OBSL1: variants seen among roughly 807,000 people sequenced by gnomAD.
OBSL1 encodes the protein obscurin like cytoskeletal adaptor 1, also known as obscurin-like protein 1.
OBSL1 carries 160 observed loss-of-function variants against 172.0 expected under a neutral mutation model. That is an observed-to-expected ratio of 0.93 (90% CI 0.82 to 1.06). The LOEUF (loss-of-function observed/expected upper bound fraction) is 1.06, where lower values mean the gene tolerates loss of function less well. Among genes scored for constraint, OBSL1 ranks in the 50% least tolerant of loss-of-function variants. OBSL1 has a pLI of 0.00. For synonymous variants in OBSL1, 1,200 were observed against 1,196.3 expected, an observed-to-expected ratio of 1.00 and a Z score of -0.06; for missense variants, 2,681 against 2,715.4, an observed-to-expected ratio of 0.99 and a Z score of 0.28.
chr2:219,563,099 A>C, intron 7 of OBSL1: 2 of 515,684 alleles, frequency 3.9e-6, no homozygotes, highest in Non-Finnish European at 3.4e-6. Flanking sequence ...CACTGTCCCC[A>C]GAGATTTCCC....
Position 219,552,518 on chromosome 2 carries a change from G to A in OBSL1, c.5308+18C>T. On this transcript the variant is annotated intron_variant, in intron 18 of 20. Transcript: ENST00000404537. The stretch of plus-strand genomic sequence containing the variant: ...GCGGGGCAGCGAGGGGCCCGAAAGG[G>A]TAACCAGGCGGGCAGACCTTCCTGT... 6.3e-7 allele frequency: 1 copy of A among 1,591,014 alleles called. No homozygotes were observed. The highest frequency in any genetic ancestry group is 8.5e-7 in the Non-Finnish European group (1 of 1,175,184).
chr2:219,566,765 G>A (rs917585546), intron 5 of OBSL1, 65 bp downstream of exon 5: 82 of 1,474,440 alleles, frequency 5.6e-5, no homozygotes, highest in Non-Finnish European at 6.5e-5. Flanking sequence ...CATCTGCCTC[G>A]TTTTGCCAAC....
At position 219,567,067 on chromosome 2, in the gene OBSL1, C is replaced by A; in HGVS notation, c.1897G>T (p.Ala633Ser). ...EDVQVYDGED[A>S]VFSLDLSTII... ...GTGGAGAGATCGAGGGAGAAGACGG[C>A]ATCTTCCCCGTCGTATACCTGCACA... Residue 633 changes from alanine (A) to serine (S), a missense_variant, in exon 5 of 21, where the codon GCC becomes TCC. Transcript: ENST00000404537. The A allele has an allele frequency of 6.2e-7, 1 of 1,613,262 alleles. No homozygotes were observed. The highest frequency in any genetic ancestry group is 8.5e-7 in the Non-Finnish European group (1 of 1,179,770).
chr2:219,565,549 C>G (rs1380409749), intron 5 of OBSL1, 35 bp from the exon 6 acceptor site: 1 of 1,589,808 alleles, frequency 6.3e-7, no homozygotes, highest in Middle Eastern at 1.7e-4. Context: ...GCACCCCTCC[C>G]TCCGGTGCAT....
In OBSL1 at chr2:219,566,969, A is replaced by T; in HGVS notation, c.1995T>A (p.Pro665=). ...GCTCTATACGGTACCGCAGGGCCCC[A>T]GGTTCCACCTGGCCCTCCGGCTCGT... ...KSNEPEGQVE[P]GALRYRIEQK... Residue 665 remains proline (P), a synonymous_variant, in exon 5 of 21, where the codon CCT becomes CCA. Transcript: ENST00000404537. 6.2e-7 allele frequency: 1 copy of T among 1,613,792 alleles called. No homozygotes were observed. Among genetic ancestry groups the T allele is most frequent in the South Asian group, 1.1e-5 (1 of 91,078 alleles).
intron 19 of OBSL1, 29 bp downstream of exon 19, chr2:219,552,079 ACACT>A (rs1311115686): frequency 1.5e-5 from 23 of 1,525,276 alleles, no homozygotes; most frequent in Non-Finnish European, 1.9e-5. Context: ...GACAGGATGT[ACACT>A]CTCTGTCGCT....
intron 11 of OBSL1, 52 bp downstream of exon 11, chr2:219,557,771 C>G (rs1696136770): frequency 6.4e-7 from 1 of 1,559,464 alleles, no homozygotes; most frequent in African/African-American, 1.4e-5. Context: ...GTTTGGGGTG[C>G]CACTCTCAGG....
Position 219,559,354 on chromosome 2 carries a change from C to T in OBSL1, c.3097G>A (p.Glu1033Lys), listed in dbSNP as rs769031522. The T allele has an allele frequency of 7.4e-6, 12 of 1,614,042 alleles. No homozygotes were observed. In the East Asian group the frequency reaches 1.1e-4, roughly 15 times the overall value. ...YKDGLEVEES[E>K]ALVLERDGPR... ...CCATCCCTCTCCAGCACCAGGGCCT[C>T]GCTCTCCTCCACTTCCAGCCCATCC... The change falls in exon 9 of 21, where the codon GAG becomes AAG. Residue 1033 changes from glutamate (E) to lysine (K), a missense_variant. By Grantham distance (56) the Glu-to-Lys change is moderately conservative. Transcript: ENST00000404537.
In OBSL1 at chr2:219,558,218, C is replaced by A. The variant is rs1211683005; in HGVS notation, c.3468G>T (p.Arg1156=). 1.2e-6 allele frequency: 2 copies of A among 1,608,194 alleles called. No homozygotes were observed. The highest frequency in any genetic ancestry group is 1.1e-5 in the South Asian group (1 of 90,694). The change falls in exon 10 of 21, where the codon CGG becomes CGT. Residue 1156 remains arginine, a synonymous_variant. Coordinates refer to ENST00000404537, the MANE Select transcript of OBSL1 (RefSeq NM_015311.3). ...EDAGEYVCET[R]HEAITFNVIL... Reference sequence around the variant, plus strand: ...TGACATTGAAGGTGATGGCCTCATGCCGGGTCTCACACACATACTCCCCGG... The same window carrying A: ...TGACATTGAAGGTGATGGCCTCATGACGGGTCTCACACACATACTCCCCGG...
intron 11 of OBSL1, 49 bp downstream of exon 11, chr2:219,557,774 C>T (rs376551128): frequency 1.3e-4 from 204 of 1,561,508 alleles, no homozygotes; most frequent in Non-Finnish European, 1.6e-4. Flanking sequence ...TGGGGTGCCA[C>T]TCTCAGGCTT....
At chr2:219,550,957 AC>A in intron 20 of OBSL1, 115 bp from the exon 21 acceptor site, 1 of 1,542,628 alleles carries the variant, frequency 6.5e-7, no homozygotes. Context: ...GTTCTGCCCT[AC>A]CCTTTCTGGG....
At position 219,553,647 on chromosome 2, in the gene OBSL1, T is replaced by C. The variant is rs367657651; in HGVS notation, c.4916A>G (p.Glu1639Gly). 16 of 1,613,654 alleles carry C rather than the reference T, an allele frequency of 9.9e-6. No individual in the cohort carries two copies. The highest frequency in any genetic ancestry group is 1.3e-5 in the Non-Finnish European group (15 of 1,179,880). ...CGTAGCTGTGTCGCCCTCGGTCACC[T>C]CTAGGTCGTGTGGCCCCCGCACGAT... ...VTIVRGPHDL[E>G]VTEGDTATFE... is the part of the protein sequence containing the mutation. Residue 1639 changes from glutamate to glycine, a missense_variant, in exon 16 of 21, where the codon GAG becomes GGG. Glu to Gly is a moderately conservative substitution (Grantham distance 98). This residue lies in a region of OBSL1 where 1,765 missense variants were observed against 1,748.3 expected (regional missense o/e 1.01). Transcript: ENST00000404537.
In OBSL1 at chr2:219,568,591, A is replaced by AG. The variant is rs1427772725; in HGVS notation, c.1013-268dup. ...GTCTCCTTACTTGTAAAATGGGGAA[A>AG]GGGAGAGAAGGGGTTGGACCAGATT... is the stretch of plus-strand genomic sequence containing the variant. On this transcript the variant is annotated intron_variant, in intron 1 of 20. Transcript: ENST00000404537. This position sits in a 1 kb window ranked among gnomAD's most constrained non-coding sequence, Gnocchi z 4.1. Among the ~76,000 whole-genome samples, 4 of 152,132 alleles carry AG rather than the reference A, an allele frequency of 2.6e-5. No individual in the cohort carries two copies. Among genetic ancestry groups the AG allele is most frequent in the African/African-American group, 9.7e-5 (4 of 41,432 alleles).
At chr2:219,569,463 C>T (rs751529755) in intron 1 of OBSL1, 2 of 151,932 alleles carry the variant, frequency 1.3e-5, no homozygotes, top group Non-Finnish European at 2.9e-5. Context: ...TTGGGGTGTG[C>T]TTTTTTTTCC....
Position 219,556,058 on chromosome 2 carries a change from C to CT in OBSL1, c.4570dup (p.Ser1524LysfsTer30). On this transcript the variant is annotated frameshift_variant, in exon 14 of 21. Coordinates refer to ENST00000404537, the MANE Select transcript of OBSL1 (RefSeq NM_015311.3). LOFTEE classifies it high-confidence loss of function. Reference sequence around the variant, plus strand: ...CCTGGCCAGGGTGCGATCGTGGTGGCTCTCGCAGCCGTAGGTGCCCTGGTC... The same window carrying CT: ...CCTGGCCAGGGTGCGATCGTGGTGGCTTCTCGCAGCCGTAGGTGCCCTGGTC... The CT allele has an allele frequency of 6.2e-7, 1 of 1,613,690 alleles. No individual in the cohort carries two copies. The highest frequency in any genetic ancestry group is 8.5e-7 in the Non-Finnish European group (1 of 1,179,892).
Position 219,553,640 on chromosome 2 carries a change from G to T in OBSL1, c.4923C>A (p.Thr1641=), listed in dbSNP as rs768061606. The part of the protein sequence containing the change: ...IVRGPHDLEV[T]EGDTATFECE... ...ACTCGAACGTAGCTGTGTCGCCCTC[G>T]GTCACCTCTAGGTCGTGTGGCCCCC... The change falls in exon 16 of 21, where the codon ACC becomes ACA. Residue 1641 remains threonine, a synonymous_variant. Transcript: ENST00000404537. 6.2e-7 allele frequency: 1 copy of T among 1,613,822 alleles called. No homozygotes were observed. The highest frequency in any genetic ancestry group is 1.3e-5 in the African/African-American group (1 of 75,004).
At position 219,570,552 on chromosome 2, in the gene OBSL1, G is replaced by A. The variant is rs753391128; in HGVS notation, c.681C>T (p.His227=). ...CCGCGGGCGGGCTCTCGGGGGGCTG[G>A]TGCACCTGGAGCAGCGCCCCCGCCT... is the stretch of plus-strand genomic sequence containing the variant. ...HAQAGALLQV[H]QPPESPPADP... The change falls in exon 1 of 21, where the codon CAC becomes CAT. Residue 227 remains histidine, a synonymous_variant. Coordinates refer to ENST00000404537, the MANE Select transcript of OBSL1 (RefSeq NM_015311.3). 6 of 1,593,680 alleles carry A rather than the reference G, an allele frequency of 3.8e-6. No individual in the cohort carries two copies. In the African/African-American group the frequency reaches 8.1e-5, roughly 21 times the overall value.
At chr2:219,553,850 T>A (rs1171464930) in intron 15 of OBSL1, among the ~76,000 whole-genome samples, 164 bp from the exon 16 acceptor site, 3 of 44,882 alleles carry the variant, frequency 6.7e-5, no homozygotes, top group African/African-American at 1.7e-4. Flanking sequence ...GTGGTGGGGG[T>A]GGGGGGGATG....
In OBSL1 at chr2:219,550,801, T is replaced by A; in HGVS notation, c.*34A>T. 6.2e-7 allele frequency: 1 copy of A among 1,608,326 alleles called. No homozygotes were observed. ...GTAAGGGCAAACGCCTTCCAAGCTGTCCAAGGGCACCCGCCTGGCCTGGTT... is the reference window on the plus strand; with the variant it reads ...GTAAGGGCAAACGCCTTCCAAGCTGACCAAGGGCACCCGCCTGGCCTGGTT... On this transcript the variant is annotated 3_prime_UTR_variant, in exon 21 of 21. Transcript: ENST00000404537.
Sources: gnomAD v4.1 joint callset for allele counts (sites outside exome capture counted in the v4.1 genomes callset) on GRCh38, gnomAD v4.1.1 for gene constraint, gnomAD v4.1.1 regional missense constraint, Gnocchi (gnomAD v3.1) non-coding constraint, MANE v1.5 for transcripts, NCBI Gene and HGNC (gene_info 2026-07-23, HGNC 2026-07-21) for gene names.